Variants in ZNF337 observed in about 807,000 individuals in gnomAD.
The protein encoded by ZNF337 is zinc finger protein 337.
In ZNF337, 8 loss-of-function variants were observed where a neutral mutation model predicts 12.1. The observed-to-expected ratio is 0.66, with a 90% CI of 0.39 to 1.19. The LOEUF (loss-of-function observed/expected upper bound fraction) is 1.19, where lower values mean the gene tolerates loss of function less well. ZNF337 is among the 50% of genes most tolerant of loss of function. The pLI is 0.01. For missense variants in ZNF337, 882 were observed against 896.6 expected, an observed-to-expected ratio of 0.98 and a Z score of 0.21; for synonymous variants, 336 against 320.0, an observed-to-expected ratio of 1.05 and a Z score of -0.53.
chr20:25,676,882 G>A lies in ZNF337; in HGVS notation c.406C>T (p.Pro136Ser), dbSNP rs183485918. Residue 136 changes from proline to serine, a missense_variant, in exon 5 of 5, where the codon CCC (proline) becomes TCC (serine). By Grantham distance (74) the Pro-to-Ser change is moderately conservative. Transcript: ENST00000252979. ...CTTGAGCTTACTGCATGTCTTAGGG[G>A]TGGGCTGGAAAATGCCATGGGCTTA... ...STKPMAFSSPPLRHAVSSRRR... is the reference protein window; with the variant it reads ...STKPMAFSSPSLRHAVSSRRR... The A allele has an allele frequency of 1.6e-4, 258 of 1,614,082 alleles. 1 individual carries two copies. The East Asian group carries it at 4.3e-3, about 27-fold the overall frequency.
intron 1 of ZNF337, among the ~76,000 whole-genome samples, chr20:25,690,940 C>A (rs966491290): frequency 2.3e-4 from 35 of 152,030 alleles, no homozygotes; most frequent in Admixed American, 2.2e-3. Context: ...ACAACAACAA[C>A]AAAAACTCAG....
chr20:25,689,832 A>G (rs1366864579), intron 1 of ZNF337, among the ~76,000 whole-genome samples: 2 of 152,230 alleles, frequency 1.3e-5, no homozygotes, highest in Non-Finnish European at 2.9e-5. Flanking sequence ...GAGATTTTTC[A>G]TAACACTAGT....
At chr20:25,679,061 T>C (rs1469623493) in intron 4 of ZNF337, among the ~76,000 whole-genome samples, 2 of 152,162 alleles carry the variant, frequency 1.3e-5, no homozygotes, top group African/African-American at 2.4e-5. Context: ...AAACATACCT[T>C]AGGGTAAGGA....
At chr20:25,681,681 T>C (rs1474772250) in intron 4 of ZNF337, among the ~76,000 whole-genome samples, 4 of 152,142 alleles carry the variant, frequency 2.6e-5, no homozygotes, top group African/African-American at 9.7e-5. Context: ...AAAGCACTTC[T>C]GGGGTGAGAG....
intron 1 of ZNF337, among the ~76,000 whole-genome samples, chr20:25,689,909 A>G (rs970649692): frequency 1.3e-5 from 2 of 152,244 alleles, no homozygotes; most frequent in Non-Finnish European, 2.9e-5. Flanking sequence ...AAATAATCTT[A>G]TAGGAGCTAA....
At chr20:25,678,786 A>G (rs185133373) in intron 4 of ZNF337, among the ~76,000 whole-genome samples, 1 of 152,164 alleles carries the variant, frequency 6.6e-6, no homozygotes, top group African/African-American at 2.4e-5. Flanking sequence ...TCATTACAAA[A>G]GGTTAAAAAA....
chr20:25,677,528 T>C (rs1210916352), intron 4 of ZNF337: 1 of 152,768 alleles, frequency 6.5e-6, no homozygotes, highest in Non-Finnish European at 1.5e-5. Context: ...CAAAATCCCA[T>C]TATGATAAAA....
intron 4 of ZNF337, among the ~76,000 whole-genome samples, chr20:25,684,068 T>C (rs141200870): frequency 0.15 from 22,389 of 151,488 alleles, 3,401 homozygotes; most frequent in African/African-American, 0.39. Flanking sequence ...ATGGATGAAG[T>C]TGGAAACCAT....
intron 1 of ZNF337, among the ~76,000 whole-genome samples, chr20:25,696,087 T>TCCCCCCCCCCCCCCCCCCCCCC (rs149644721): frequency 1.9e-5 from 1 of 52,106 alleles, no homozygotes; most frequent in African/African-American, 6.3e-5. Flanking sequence ...CCCACGCAGA[T>TCCCCCCCCCCCCCCCCCCCCCC]CCCCCCCCCC....
At position 25,676,538 on chromosome 20, in the gene ZNF337, G is replaced by A. The variant is rs1057176624; in HGVS notation, c.750C>T (p.Asn250=). Residue 250 remains asparagine (N), a synonymous_variant, in exon 5 of 5, where the codon AAC becomes AAT. Coordinates refer to ENST00000252979, the MANE Select transcript of ZNF337 (RefSeq NM_015655.4). ...VCGRGFSLKA[N]LLRHQRTHSG... Reference sequence around the variant, plus strand: ...AGTGTGTCCTCTGGTGTCTGAGGAGGTTGGCCTTGAGGCTGAAGCCTCGCC... The same window carrying A: ...AGTGTGTCCTCTGGTGTCTGAGGAGATTGGCCTTGAGGCTGAAGCCTCGCC... The A allele has an allele frequency of 6.2e-7, 1 of 1,614,020 alleles. No homozygotes were observed. The highest frequency in any genetic ancestry group is 1.1e-5 in the South Asian group (1 of 91,078).
chr20:25,682,074 C>CA (rs1396947254), intron 4 of ZNF337, among the ~76,000 whole-genome samples: 1 of 151,382 alleles, frequency 6.6e-6, no homozygotes, highest in Non-Finnish European at 1.5e-5. Context: ...ATTTGCTTCA[C>CA]AAAAAAATGC....
chr20:25,674,979 A>C lies in ZNF337; in HGVS notation c.*53T>G. 1 of 1,534,922 alleles carries C rather than the reference A, an allele frequency of 6.5e-7. No homozygotes were observed. Among genetic ancestry groups the C allele is most frequent in the East Asian group, 2.3e-5 (1 of 44,398 alleles). On this transcript the variant is annotated 3_prime_UTR_variant, in exon 5 of 5. Transcript: ENST00000252979. ...TGCAGCCTCAACTAAAGCTTGTAAC[A>C]AAGCAAAGTTACTCTCCTGAGTGTG...
intron 1 of ZNF337, among the ~76,000 whole-genome samples, chr20:25,694,785 A>G (rs1331043597): frequency 6.6e-6 from 1 of 152,208 alleles, no homozygotes; most frequent in Non-Finnish European, 1.5e-5. Context: ...ATCACATGAC[A>G]GCAGATGCTG....
At chr20:25,691,247 G>T (rs112658202) in intron 1 of ZNF337, among the ~76,000 whole-genome samples, 1,658 of 152,172 alleles carry the variant, frequency 0.011, 13 homozygotes, top group African/African-American at 0.027. Flanking sequence ...ATAAAGAGAA[G>T]AATTTGAAAT....
intron 4 of ZNF337, chr20:25,677,254 C>T (rs932691568): frequency 1.5e-5 from 7 of 474,244 alleles, no homozygotes; most frequent in Non-Finnish European, 2.6e-5. Context: ...ATACCAAAAC[C>T]AGACAAGGAC....
intron 1 of ZNF337, among the ~76,000 whole-genome samples, chr20:25,696,090 C>T (rs1160531415): frequency 4.5e-4 from 29 of 64,544 alleles, no homozygotes; most frequent in South Asian, 5.9e-4. Flanking sequence ...ACGCAGATCC[C>T]CCCCCCCCCC....
chr20:25,694,011 G>A (rs541212757), intron 1 of ZNF337, among the ~76,000 whole-genome samples: 1 of 152,262 alleles, frequency 6.6e-6, no homozygotes, highest in Admixed American at 6.5e-5. Context: ...GCAGGTTCCT[G>A]GGAACAGATC....
rs1199059616 is a variant in ZNF337 at position 25,674,177 on chromosome 20, A to C, written c.*855T>G. On this transcript the variant is annotated 3_prime_UTR_variant, in exon 5 of 5. Coordinates refer to ENST00000252979, the MANE Select transcript of ZNF337 (RefSeq NM_015655.4). ...GATGAGGGGAGCAGTTACTTAGTCT[A>C]TTTGAGCTGTTATAATAAAATACCA... is the stretch of plus-strand genomic sequence containing the variant. The C allele has an allele frequency of 1.3e-5, 2 of 152,198 alleles. No individual in the cohort carries two copies. Among genetic ancestry groups the C allele is most frequent in the Admixed American group, 1.3e-4 (2 of 15,280 alleles). 9.4% of individuals were successfully genotyped at this position (152,198 alleles called of 1,614,324 possible). A position where few individuals can be genotyped will look rare whatever the true frequency, so the allele number is the denominator to read the frequency against.
intron 1 of ZNF337, among the ~76,000 whole-genome samples, chr20:25,689,961 CT>C (rs755586424): frequency 6.6e-6 from 1 of 152,190 alleles, no homozygotes; most frequent in Non-Finnish European, 1.5e-5. Context: ...ATTCAAGAAA[CT>C]GCCCAATCAA....
Sources: allele counts gnomAD v4.1 joint callset (sites outside exome capture counted in the v4.1 genomes callset), GRCh38; gene constraint gnomAD v4.1.1; transcripts MANE v1.5; gene names NCBI Gene and HGNC (gene_info 2026-07-23, HGNC 2026-07-21).